The following LRRC36 variants were observed in gnomAD, a reference collection of about 807,000 sequenced individuals.
LRRC36 encodes the protein leucine rich repeat containing 36.
Under a neutral mutation model 81.1 loss-of-function variants are expected in LRRC36, and 62 were observed. The observed-to-expected ratio is 0.76, with a 90% CI of 0.62 to 0.94. The LOEUF is 0.94. Among genes scored for constraint, LRRC36 ranks in the 40% least tolerant of loss-of-function variants. LRRC36 has a pLI of 0.00. For missense variants in LRRC36, 761 were observed against 881.7 expected, an observed-to-expected ratio of 0.86 and a Z score of 1.73; for synonymous variants, 334 against 348.6, an observed-to-expected ratio of 0.96 and a Z score of 0.47.
At chr16:67,336,189 GAAT>G (rs1205143865) in intron 1 of LRRC36, among the ~76,000 whole-genome samples, 1 of 152,146 alleles carries the variant, frequency 6.6e-6, no homozygotes, top group African/African-American at 2.4e-5. Flanking sequence ...TTTTATTGCT[GAAT>G]AGTATTACAC....
At chr16:67,327,198 G>A (rs1344177179) in intron 1 of LRRC36, among the ~76,000 whole-genome samples, 1 of 151,962 alleles carries the variant, frequency 6.6e-6, no homozygotes, top group African/African-American at 2.4e-5. Flanking sequence ...GAGAAACAAG[G>A]TTAACAGGGG....
chr16:67,331,976 G>A (rs1351539753), intron 1 of LRRC36, among the ~76,000 whole-genome samples: 11 of 149,048 alleles, frequency 7.4e-5, no homozygotes, highest in Non-Finnish European at 1.2e-4. Flanking sequence ...CAAAGAGAGC[G>A]AAACTCCATC....
At chr16:67,344,097 A>T (rs1212248565) in intron 2 of LRRC36, among the ~76,000 whole-genome samples, 2 of 152,124 alleles carry the variant, frequency 1.3e-5, no homozygotes, top group Non-Finnish European at 2.9e-5. Flanking sequence ...GATTAGAGGC[A>T]TGAGCCACCA....
chr16:67,370,713 G>A (rs1346905692), intron 8 of LRRC36, among the ~76,000 whole-genome samples: 1 of 151,844 alleles, frequency 6.6e-6, no homozygotes, highest in South Asian at 2.1e-4. Context: ...TTTAAAGTGA[G>A]AAAGGTCAGA....
chr16:67,329,232 A>T (rs1019719920), intron 1 of LRRC36, among the ~76,000 whole-genome samples: 2 of 151,986 alleles, frequency 1.3e-5, no homozygotes, highest in African/African-American at 2.4e-5. Flanking sequence ...AAAAGCTAAG[A>T]TTACTTTAAA....
At chr16:67,332,653 G>A (rs970555782) in intron 1 of LRRC36, among the ~76,000 whole-genome samples, 2 of 152,142 alleles carry the variant, frequency 1.3e-5, no homozygotes, top group African/African-American at 2.4e-5. Context: ...TGTCTTTGTG[G>A]CAGTTTATCA....
At position 67,378,701 on chromosome 16, in the gene LRRC36, C is replaced by A; in HGVS notation, c.1919C>A (p.Ser640Ter). The A allele has an allele frequency of 1.2e-6, 2 of 1,613,880 alleles. No individual in the cohort carries two copies. Among genetic ancestry groups the A allele is most frequent in the South Asian group, 2.2e-5 (2 of 91,050 alleles). Reference sequence around the variant, plus strand: ...ATCTCAATTGTGAGTGGGCAACAGTCACATACTTATGGTAAGTTGAGGAAA... The same window carrying A: ...ATCTCAATTGTGAGTGGGCAACAGTAACATACTTATGGTAAGTTGAGGAAA... ...AAISIVSGQQ[S>*]HTYDDLLHKN... The change falls in exon 12 of 14, where the codon TCA becomes TAA. Residue 640 changes from serine (S) to a stop codon, truncating the protein, a stop_gained. Transcript: ENST00000329956. LOFTEE classifies it high-confidence loss of function.
chr16:67,371,650 C>T, intron 9 of LRRC36: 1 of 265,978 alleles, frequency 3.8e-6, no homozygotes, highest in South Asian at 4.4e-5. Flanking sequence ...GTGGGTGGAT[C>T]ACCTCAGGTC....
chr16:67,363,188 C>T (rs1202255569), intron 5 of LRRC36, among the ~76,000 whole-genome samples: 1 of 152,162 alleles, frequency 6.6e-6, no homozygotes, highest in Non-Finnish European at 1.5e-5. Context: ...TGTATAATGC[C>T]AGGAGTCTAT....
intron 6 of LRRC36, among the ~76,000 whole-genome samples, chr16:67,364,836 T>C (rs1052770438): frequency 8.5e-5 from 13 of 152,180 alleles, no homozygotes; most frequent in Non-Finnish European, 1.6e-4. Flanking sequence ...CACTGAATAC[T>C]TTAAGATAAT....
chr16:67,366,728 C>T (rs376087330), intron 7 of LRRC36, among the ~76,000 whole-genome samples: 2 of 149,570 alleles, frequency 1.3e-5, no homozygotes, highest in African/African-American at 5.0e-5. Context: ...CCAGCCTGGG[C>T]GACAGAGTGA....
At chr16:67,330,154 G>A (rs1277975116) in intron 1 of LRRC36, among the ~76,000 whole-genome samples, 2 of 151,930 alleles carry the variant, frequency 1.3e-5, no homozygotes, top group Admixed American at 6.6e-5. Flanking sequence ...GTAGTTAGAT[G>A]AGGCTTAATC....
intron 5 of LRRC36, among the ~76,000 whole-genome samples, chr16:67,361,336 A>C (rs2039136633): frequency 6.6e-6 from 1 of 152,002 alleles, no homozygotes; most frequent in Non-Finnish European, 1.5e-5. Context: ...CTGGCCTTTG[A>C]TAGAATTGCT....
chr16:67,376,133 C>A (rs1474348583), intron 10 of LRRC36, among the ~76,000 whole-genome samples: 1 of 151,816 alleles, frequency 6.6e-6, no homozygotes, highest in African/African-American at 2.4e-5. Flanking sequence ...CATGGTGAAA[C>A]CCTGTCCCTA....
rs2037593747 is a variant in LRRC36, at chr16:67,333,403, A to ATT, written c.70+6472_70+6473dup. On this transcript the variant is annotated intron_variant, in intron 1 of 13. Transcript: ENST00000329956. ...TGCCTCCGCCTCCCAAAGTGCTGAA[A>ATT]TTACAGGCATGAGCCACCACACGTA... Among the ~76,000 whole-genome samples, 4 of 152,340 alleles carry ATT rather than the reference A, an allele frequency of 2.6e-5. No individual in the cohort carries two copies. The South Asian group carries it at 8.3e-4, about 32-fold the overall frequency.
chr16:67,364,232 G>T (rs2039285924), intron 6 of LRRC36, among the ~76,000 whole-genome samples: 1 of 152,202 alleles, frequency 6.6e-6, no homozygotes, highest in Non-Finnish European at 1.5e-5. Context: ...CAAGATGGGG[G>T]AGGAGTGAAA....
intron 6 of LRRC36, 110 bp downstream of exon 6, chr16:67,363,824 G>C: frequency 8.3e-7 from 1 of 1,210,620 alleles, no homozygotes. Flanking sequence ...TTTGATGAAG[G>C]CATTTTAGAC....
chr16:67,363,799 G>T, intron 6 of LRRC36, 85 bp downstream of exon 6: 2 of 1,471,212 alleles, frequency 1.4e-6, no homozygotes, highest in South Asian at 2.4e-5. Flanking sequence ...ATTTATGAAG[G>T]TCTCAGAGGA....
intron 9 of LRRC36, chr16:67,372,196 A>G (rs1289007969): frequency 2.6e-5 from 4 of 151,878 alleles, no homozygotes; most frequent in Non-Finnish European, 5.9e-5. Context: ...CATCTCTACT[A>G]AAAATAGAAA....
Sources: gnomAD v4.1 joint callset for allele counts (sites outside exome capture counted in the v4.1 genomes callset) on GRCh38, gnomAD v4.1.1 for gene constraint, MANE v1.5 for transcripts, NCBI Gene and HGNC (gene_info 2026-07-23, HGNC 2026-07-21) for gene names.